The following MYO16 variants were observed in gnomAD, a reference collection of about 807,000 sequenced individuals.
MYO16 encodes unconventional myosin-XVI.
In MYO16, 94 loss-of-function variants were observed where a neutral mutation model predicts 205.3. The ratio of observed to expected loss-of-function variants is 0.46; its 90% CI spans 0.39 to 0.54. The LOEUF (loss-of-function observed/expected upper bound fraction) is 0.54. Among genes scored for constraint, MYO16 ranks in the 20% least tolerant of loss-of-function variants. The pLI is 0.00. For synonymous variants in MYO16, 988 were observed against 954.0 expected (o/e 1.04, Z -0.66); for missense variants, 2,315 against 2,387.5 (o/e 0.97, Z 0.63).
At chr13:108,627,623 T>C (rs1047969485), upstream of MYO16, among the ~76,000 whole-genome samples, 2 of 152,156 alleles carry the variant, frequency 1.3e-5, no homozygotes, top group South Asian at 4.1e-4. Flanking sequence ...AGATGAGATG[T>C]TAATTCTCAC....
At chr13:108,630,566 G>A (rs1594157864) in intron 1 of MYO16, among the ~76,000 whole-genome samples, 2 of 152,222 alleles carry the variant, frequency 1.3e-5, no homozygotes, top group East Asian at 3.9e-4. Flanking sequence ...TAATAATGAA[G>A]AGGAAGACAT....
the MYO16 span, among the ~76,000 whole-genome samples, chr13:108,584,725 T>C: frequency 6.6e-6 from 1 of 152,208 alleles, no homozygotes; most frequent in Non-Finnish European, 1.5e-5. Flanking sequence ...ATGAGATATC[T>C]GTTTTTCTGT....
At chr13:109,038,354 C>T (rs550637117) in intron 23 of MYO16, among the ~76,000 whole-genome samples, 1 of 152,230 alleles carries the variant, frequency 6.6e-6, no homozygotes, top group East Asian at 2.0e-4. Context: ...CACCTAATCC[C>T]TTGAGGGCCT....
rs537809011 is a variant in MYO16 at position 109,203,349 on chromosome 13, A to C, written c.5416-3260A>C. Reference sequence around the variant, plus strand: ...CTACAAGGAGCTCAAACAAATTAGCAAGAAAAAAGCCAAACAATCTTATCA... The same window carrying C: ...CTACAAGGAGCTCAAACAAATTAGCCAGAAAAAAGCCAAACAATCTTATCA... On this transcript the variant is annotated intron_variant, in intron 34 of 34. Coordinates refer to ENST00000457511, the MANE Select transcript of MYO16 (RefSeq NM_001198950.3). Among the ~76,000 whole-genome samples, 7 of 152,342 alleles carry C rather than the reference A, an allele frequency of 4.6e-5. No individual in the cohort carries two copies. In the East Asian group the frequency reaches 1.3e-3, roughly 29 times the overall value.
intron 1 of MYO16, among the ~76,000 whole-genome samples, chr13:108,608,650 T>C (rs1355660092): frequency 1.1e-5 from 1 of 92,138 alleles, no homozygotes; most frequent in Admixed American, 1.0e-4. Flanking sequence ...TACCCACAAA[T>C]GATTTTTTTT....
intron 27 of MYO16, among the ~76,000 whole-genome samples, chr13:109,084,956 A>G (rs1368846481): frequency 2.6e-5 from 4 of 152,188 alleles, no homozygotes; most frequent in Non-Finnish European, 5.9e-5. Context: ...GTAGAGCTTT[A>G]TAGGACATCT....
At chr13:108,598,986 A>G (rs1594134158) in intron 1 of MYO16, among the ~76,000 whole-genome samples, 1 of 128,174 alleles carries the variant, frequency 7.8e-6, no homozygotes, top group East Asian at 2.8e-4. Context: ...TCCTAATGCT[A>G]TCCCTCCCCC....
intron 13 of MYO16, among the ~76,000 whole-genome samples, chr13:108,886,685 A>C (rs1308858766): frequency 7.5e-6 from 1 of 133,648 alleles, no homozygotes; most frequent in Non-Finnish European, 1.7e-5. Flanking sequence ...GGACTCTTCC[A>C]CCGCAGGCTT....
intron 9 of MYO16, among the ~76,000 whole-genome samples, chr13:108,842,930 AAAG>A (rs757589173): frequency 6.6e-6 from 1 of 152,208 alleles, no homozygotes; most frequent in African/African-American, 2.4e-5. Flanking sequence ...CAAAAAATAA[AAAG>A]AAATTCTATC....
chr13:108,574,802 A>G, the MYO16 span, among the ~76,000 whole-genome samples: 2 of 152,118 alleles, frequency 1.3e-5, no homozygotes, highest in African/African-American at 4.8e-5. Flanking sequence ...TGTTAAACAC[A>G]GTTGTTAATC....
intron 4 of MYO16, among the ~76,000 whole-genome samples, chr13:108,734,195 C>CTT (rs57106194): frequency 0.038 from 5,568 of 144,996 alleles, 299 homozygotes; most frequent in African/African-American, 0.13. Flanking sequence ...TATAATATTG[C>CTT]TTTTTTTTTT....
At chr13:108,726,361 C>A (rs1884335857) in intron 3 of MYO16, among the ~76,000 whole-genome samples, 1 of 151,882 alleles carries the variant, frequency 6.6e-6, no homozygotes, top group African/African-American at 2.4e-5. Context: ...GAGATTGAGA[C>A]CATCCTGGCC....
chr13:108,878,837 A>G (rs1879455324), intron 12 of MYO16, among the ~76,000 whole-genome samples: 2 of 152,232 alleles, frequency 1.3e-5, no homozygotes, highest in African/African-American at 4.8e-5. Context: ...GGCCAAACAG[A>G]TGAGCCACAC....
chr13:108,543,790 G>A, the MYO16 span, among the ~76,000 whole-genome samples: 1 of 140,366 alleles, frequency 7.1e-6, no homozygotes, highest in Non-Finnish European at 1.5e-5. Flanking sequence ...ATAAGGCTGG[G>A]CATGGTGGCT....
At chr13:108,564,316 G>A in the MYO16 span, among the ~76,000 whole-genome samples, 70 of 151,898 alleles carry the variant, frequency 4.6e-4, no homozygotes, top group East Asian at 0.012. Context: ...GATTAAAGGC[G>A]TCCGCCACCA....
chr13:109,006,899 A>T lies in MYO16; in HGVS notation c.2443-1998A>T, dbSNP rs1861298658. Among the ~76,000 whole-genome samples, 4 of 152,288 alleles carry T rather than the reference A, an allele frequency of 2.6e-5. No individual in the cohort carries two copies. The South Asian group carries it at 8.3e-4, about 32-fold the overall frequency. ...CTGGACACTCCAATATGAGCAGGCC[A>T]GGAGTCCACGAAGAGTCGGGAAAGG... On this transcript the variant is annotated intron_variant, in intron 21 of 34. Transcript: ENST00000457511.
At chr13:109,189,306 C>T (rs56124561) in intron 34 of MYO16, among the ~76,000 whole-genome samples, 76,585 of 151,854 alleles carry the variant, frequency 0.5, 20,338 homozygotes, top group African/African-American at 0.65. Flanking sequence ...AACACCCTCA[C>T]AGACACACCC....
chr13:108,898,005 C>A lies in MYO16; in HGVS notation c.1660-11C>A, dbSNP rs1208818190. The A allele has an allele frequency of 1.3e-6, 2 of 1,587,536 alleles. No homozygotes were observed. The highest frequency in any genetic ancestry group is 1.1e-5 in the South Asian group (1 of 90,508). On this transcript the variant is annotated splice_polypyrimidine_tract_variant and intron_variant, in intron 14 of 34. Coordinates refer to ENST00000457511, the MANE Select transcript of MYO16 (RefSeq NM_001198950.3). Reference sequence around the variant, plus strand: ...ATGAGCAGTTCAGTAAAATGTTCTCCTCTCCCACAGGTCGTGTGCATCTTA... The same window carrying A: ...ATGAGCAGTTCAGTAAAATGTTCTCATCTCCCACAGGTCGTGTGCATCTTA...
chr13:109,083,412 A>T (rs1311712249), intron 27 of MYO16, among the ~76,000 whole-genome samples: 1 of 114,790 alleles, frequency 8.7e-6, no homozygotes, highest in East Asian at 2.9e-4. Context: ...AAAAAAAAAA[A>T]AAAAAAAGCT....
Sources: gnomAD v4.1 joint callset for allele counts (sites outside exome capture counted in the v4.1 genomes callset) on GRCh38, gnomAD v4.1.1 for gene constraint, MANE v1.5 for transcripts, NCBI Gene and HGNC (gene_info 2026-07-23, HGNC 2026-07-21) for gene names.